The following ARSF variants were observed in gnomAD, a reference collection of about 807,000 sequenced individuals.
ARSF encodes arylsulfatase F.
A neutral mutation model predicts 35.4 loss-of-function variants in ARSF; 33 were observed. The observed-to-expected ratio is 0.93, with a 90% CI of 0.71 to 1.25. The LOEUF is 1.25. Ranked by LOEUF, ARSF falls within the 50% of genes most tolerant of loss-of-function variation. ARSF has a pLI of 0.00. For synonymous variants in ARSF, 222 were observed against 193.1 expected, an observed-to-expected ratio of 1.15 and a Z score of -1.24; for missense variants, 501 against 480.2, an observed-to-expected ratio of 1.04 and a Z score of -0.40.
chrX:3,076,967 G>T (rs1317963858), intron 4 of ARSF, among the ~76,000 whole-genome samples: 1 of 111,331 alleles, frequency 9.0e-6, no homozygotes, highest in Admixed American at 9.6e-5. Context: ...GATCGCCTGA[G>T]CCCGGGAGTT....
At chrX:3,077,789 TTTA>T (rs760984034) in intron 4 of ARSF, among the ~76,000 whole-genome samples, 103 of 92,213 alleles carry the variant, frequency 1.1e-3, no homozygotes, top group African/African-American at 3.7e-3. Flanking sequence ...TTTTATTTTA[TTTA>T]TTATTATTAT....
chrX:3,075,871 CTCT>C (rs1426808529), intron 3 of ARSF, among the ~76,000 whole-genome samples: 1 of 84,637 alleles, frequency 1.2e-5, no homozygotes, highest in African/African-American at 4.4e-5. Context: ...CTCTCTTCCT[CTCT>C]TCTTCTCTCT....
chrX:3,087,900 G>T (rs914179262), intron 6 of ARSF, among the ~76,000 whole-genome samples: 10 of 112,048 alleles, frequency 8.9e-5, no homozygotes, highest in African/African-American at 2.9e-4. Flanking sequence ...TCCAAATAAG[G>T]TCCCATTCTG....
intron 1 of ARSF, among the ~76,000 whole-genome samples, chrX:3,048,657 C>G (rs1339158296): frequency 8.9e-6 from 1 of 112,188 alleles, no homozygotes; most frequent in Non-Finnish European, 1.9e-5. Context: ...TATATAAAAG[C>G]AAGCTGTGCC....
At chrX:3,046,318 T>G (rs1245868481) in intron 1 of ARSF, among the ~76,000 whole-genome samples, 2 of 112,099 alleles carry the variant, frequency 1.8e-5, no homozygotes, top group Non-Finnish European at 3.8e-5. Flanking sequence ...GCTTCCAGCT[T>G]GCTTATTATC....
chrX:3,088,530 T>C (rs2090264994), intron 6 of ARSF, among the ~76,000 whole-genome samples: 1 of 106,686 alleles, frequency 9.4e-6, no homozygotes, highest in Non-Finnish European at 1.9e-5. Flanking sequence ...TGCAGGGCAA[T>C]TAGTGCGAAC....
chrX:3,102,497 G>A (rs1412706744), intron 8 of ARSF, among the ~76,000 whole-genome samples: 1 of 112,522 alleles, frequency 8.9e-6, no homozygotes, highest in African/African-American at 3.2e-5. Context: ...CATGGTGTAT[G>A]TACACCACGT....
chrX:3,054,593 C>T (rs778696289), intron 1 of ARSF, among the ~76,000 whole-genome samples: 3 of 110,761 alleles, frequency 2.7e-5, no homozygotes, highest in East Asian at 2.9e-4. Context: ...TGTGAGCCCC[C>T]GCACCTAAGT....
chrX:3,088,630 C>T (rs1390004973), intron 6 of ARSF, among the ~76,000 whole-genome samples: 1 of 109,502 alleles, frequency 9.1e-6, no homozygotes, highest in African/African-American at 3.3e-5. Context: ...GGTGCAATCT[C>T]AGCTCACTGC....
intron 4 of ARSF, among the ~76,000 whole-genome samples, chrX:3,077,547 G>A (rs2090161712): frequency 9.2e-6 from 1 of 108,581 alleles, no homozygotes; most frequent in Non-Finnish European, 1.9e-5. Context: ...GCTGAGGCAG[G>A]AGAATCGCTT....
At chrX:3,110,085 C>T (rs772832576) in intron 9 of ARSF, 43 bp from the exon 10 acceptor site, 21 of 1,110,144 alleles carry the variant, frequency 1.9e-5, no homozygotes, top group Non-Finnish European at 2.5e-5. Context: ...CCCAACGTCC[C>T]TTCTCCTCAT....
intron 9 of ARSF, among the ~76,000 whole-genome samples, chrX:3,108,575 T>C (rs138054235): frequency 6.0e-4 from 68 of 112,406 alleles, no homozygotes; most frequent in Non-Finnish European, 1.1e-3. Context: ...TTCCCAGCTA[T>C]TCATTGCAAA....
At chrX:3,102,723 C>T (rs2090385747) in intron 8 of ARSF, among the ~76,000 whole-genome samples, 1 of 111,404 alleles carries the variant, frequency 9.0e-6, no homozygotes, top group Non-Finnish European at 1.9e-5. Context: ...GACCATCTGG[C>T]CAACATGGTG....
At chrX:3,103,009 C>T (rs2090389207) in intron 8 of ARSF, among the ~76,000 whole-genome samples, 1 of 111,800 alleles carries the variant, frequency 8.9e-6, no homozygotes, top group Admixed American at 9.5e-5. Flanking sequence ...AGGACAGTGG[C>T]CACTTCTCCT....
At chrX:3,081,517 A>C (rs1342459216) in intron 5 of ARSF, among the ~76,000 whole-genome samples, 1 of 110,138 alleles carries the variant, frequency 9.1e-6, no homozygotes. Flanking sequence ...TTGTATTTTT[A>C]GTAGAGATGG....
chrX:3,066,065 G>C (rs1206794090), intron 1 of ARSF, among the ~76,000 whole-genome samples: 2 of 111,609 alleles, frequency 1.8e-5, no homozygotes, highest in Non-Finnish European at 3.8e-5. Flanking sequence ...ACTCCAGCCT[G>C]GGTAACAGAG....
intron 6 of ARSF, among the ~76,000 whole-genome samples, chrX:3,087,586 G>T (rs1473731481): frequency 3.6e-5 from 4 of 111,365 alleles, no homozygotes; most frequent in African/African-American, 9.8e-5. Context: ...TCCAAATAAG[G>T]TCTCATTCCA....
At chrX:3,110,389 T>C in intron 10 of ARSF, 137 bp downstream of exon 10, 2 of 704,046 alleles carry the variant, frequency 2.8e-6, no homozygotes, top group South Asian at 1.3e-4. Flanking sequence ...TTTGGAGAAG[T>C]TTCTCAGAAT....
chrX:3,107,229 G>A (rs961481213), intron 9 of ARSF, among the ~76,000 whole-genome samples: 3 of 111,153 alleles, frequency 2.7e-5, no homozygotes, highest in African/African-American at 9.8e-5. Flanking sequence ...GTAATATTCA[G>A]ATAAGAAAAT....
Sources: gnomAD v4.1 joint callset for allele counts (sites outside exome capture counted in the v4.1 genomes callset) on GRCh38, gnomAD v4.1.1 for gene constraint, MANE v1.5 for transcripts, NCBI Gene and HGNC (gene_info 2026-07-23, HGNC 2026-07-21) for gene names.